MUSK: variants seen among roughly 807,000 people sequenced by gnomAD.
MUSK encodes the protein muscle associated receptor tyrosine kinase, also known as muscle, skeletal receptor tyrosine-protein kinase.
In MUSK, 55 loss-of-function variants were observed where a neutral mutation model predicts 88.7. That is an observed-to-expected ratio of 0.62 (90% CI 0.50 to 0.78). MUSK has a LOEUF of 0.78. Ranked by LOEUF, MUSK falls within the 30% of genes least tolerant of loss-of-function variation. The pLI, the probability that MUSK is intolerant of heterozygous loss-of-function variation, is 0.00. For synonymous variants in MUSK, 387 were observed against 391.9 expected (o/e 0.99, Z 0.15); for missense variants, 1,015 against 1,074.3 (o/e 0.94, Z 0.77).
intron 9 of MUSK, among the ~76,000 whole-genome samples, chr9:110,775,153 T>C (rs1044665155): frequency 3.3e-5 from 5 of 152,172 alleles, no homozygotes; most frequent in Non-Finnish European, 7.3e-5. Context: ...TAGATGAACA[T>C]AACAGCTTCA....
In MUSK at chr9:110,763,081, TA is replaced by T. The variant is rs561644796; in HGVS notation, c.920+881del. Among the ~76,000 whole-genome samples, 26 of 151,914 alleles carry T rather than the reference TA, an allele frequency of 1.7e-4. No individual in the cohort carries two copies. The East Asian group carries it at 3.7e-3, about 21-fold the overall frequency. ...TTTTAAAACATCATGTGGTACACAATAAAAAAAACAGTTTTTTTTAACTAAA... is the reference window on the plus strand; with the variant it reads ...TTTTAAAACATCATGTGGTACACAATAAAAAAACAGTTTTTTTTAACTAAA... On this transcript the variant is annotated intron_variant, in intron 8 of 14. Transcript: ENST00000374448.
intron 5 of MUSK, among the ~76,000 whole-genome samples, chr9:110,709,316 A>G (rs2076639056): frequency 1.3e-5 from 2 of 152,198 alleles, no homozygotes; most frequent in African/African-American, 4.8e-5. Context: ...AGGACTTAAT[A>G]TAGTGGTTAA....
intron 1 of MUSK, among the ~76,000 whole-genome samples, chr9:110,672,231 A>C (rs1456320067): frequency 6.6e-6 from 1 of 152,218 alleles, no homozygotes; most frequent in Non-Finnish European, 1.5e-5. Context: ...AGGTAAATGA[A>C]GTAGGCAGCT....
At chr9:110,785,744 C>T (rs2077846428) in intron 13 of MUSK, 26 bp downstream of exon 13, 2 of 1,543,384 alleles carry the variant, frequency 1.3e-6, no homozygotes, top group Non-Finnish European at 8.8e-7. Flanking sequence ...GAAAAAAAAA[C>T]TCCATTGAAA....
At chr9:110,720,049 A>G (rs1288557253) in intron 5 of MUSK, among the ~76,000 whole-genome samples, 2 of 152,034 alleles carry the variant, frequency 1.3e-5, no homozygotes, top group Non-Finnish European at 2.9e-5. Flanking sequence ...CTGAACGATA[A>G]TAGTAACAAA....
At chr9:110,731,845 C>G (rs776807324) in intron 5 of MUSK, among the ~76,000 whole-genome samples, 14 of 151,786 alleles carry the variant, frequency 9.2e-5, no homozygotes, top group Non-Finnish European at 1.9e-4. Flanking sequence ...TTGTGTTGTG[C>G]AATGTGGATA....
At chr9:110,705,981 C>T in intron 5 of MUSK, 1 of 411,778 alleles carries the variant, frequency 2.4e-6, no homozygotes, top group Non-Finnish European at 5.0e-6. Context: ...ATCTGGGTTA[C>T]ATCTCATCAT....
In MUSK at chr9:110,785,721, A is replaced by G. The variant is rs1159005654; in HGVS notation, c.1778+3A>G. 6.3e-7 allele frequency: 1 copy of G among 1,588,740 alleles called. No individual in the cohort carries two copies. The highest frequency in any genetic ancestry group is 8.6e-7 in the Non-Finnish European group (1 of 1,166,456). On this transcript the variant is annotated splice_donor_region_variant and intron_variant, in intron 13 of 14. Coordinates refer to ENST00000374448, the MANE Select transcript of MUSK (RefSeq NM_005592.4). ...TTTGGAAGGGTGTTTCAAGCAAGGT[A>G]AAGTTACCTATGGAAAAAAAAACTC...
At chr9:110,784,692 C>G in intron 11 of MUSK, 123 bp from the exon 12 acceptor site, 1 of 680,562 alleles carries the variant, frequency 1.5e-6, no homozygotes, top group South Asian at 2.5e-5. Context: ...AAATATATAA[C>G]CAGGGAGAAC....
chr9:110,690,226 A>C (rs1357787821), intron 3 of MUSK, among the ~76,000 whole-genome samples: 1 of 106,878 alleles, frequency 9.4e-6, no homozygotes, highest in African/African-American at 3.7e-5. Context: ...TTAAGTATAA[A>C]TATATATTTA....
intron 1 of MUSK, among the ~76,000 whole-genome samples, chr9:110,678,799 A>AT (rs1168071749): frequency 4.6e-5 from 7 of 152,226 alleles, no homozygotes; most frequent in African/African-American, 1.4e-4. Flanking sequence ...GTTGATGTGC[A>AT]TATCTGTTTA....
chr9:110,760,826 C>T (rs2077387865), intron 7 of MUSK, among the ~76,000 whole-genome samples: 2 of 152,128 alleles, frequency 1.3e-5, no homozygotes, highest in Non-Finnish European at 2.9e-5. Flanking sequence ...TACCAACCCT[C>T]ACCAATCTCA....
At chr9:110,731,486 T>C (rs145951747) in intron 5 of MUSK, among the ~76,000 whole-genome samples, 1 of 152,074 alleles carries the variant, frequency 6.6e-6, no homozygotes, top group African/African-American at 2.4e-5. Flanking sequence ...CTTTCAATAC[T>C]GAAAAAAGGG....
chr9:110,734,106 T>C (rs1229934416), intron 5 of MUSK, 145 bp from the exon 6 acceptor site: 1 of 851,206 alleles, frequency 1.2e-6, no homozygotes, highest in Non-Finnish European at 1.8e-6. Context: ...GGCTCGGCCA[T>C]GGCATGTGGT....
chr9:110,675,422 CCT>C (rs1375136004), intron 1 of MUSK, among the ~76,000 whole-genome samples: 4 of 142,958 alleles, frequency 2.8e-5, no homozygotes, highest in African/African-American at 1.1e-4. Context: ...GGGGTTTCAC[CCT>C]GTTAGCCAGG....
At chr9:110,699,677 A>C (rs1478605398) in intron 5 of MUSK, among the ~76,000 whole-genome samples, 2 of 152,174 alleles carry the variant, frequency 1.3e-5, no homozygotes, top group Admixed American at 1.3e-4. Context: ...TCAAAAGTAC[A>C]TGCAGATGCC....
rs542758176 is a variant in MUSK at position 110,754,409 on chromosome 9, T to A, written c.913+6609T>A. On this transcript the variant is annotated intron_variant, in intron 7 of 14. Coordinates refer to ENST00000374448, the MANE Select transcript of MUSK (RefSeq NM_005592.4). ...TTGGTGGGATATTTTGAGAATTTTTTAAAATTGAATTCTGAGCTTAAAGCA... is the reference window on the plus strand; with the variant it reads ...TTGGTGGGATATTTTGAGAATTTTTAAAAATTGAATTCTGAGCTTAAAGCA... 7.2e-5 allele frequency among the ~76,000 whole-genome samples: 11 copies of A among 152,352 alleles called. No individual in the cohort carries two copies. In the South Asian group the frequency reaches 1.2e-3, roughly 17 times the overall value.
intron 5 of MUSK, among the ~76,000 whole-genome samples, chr9:110,700,177 T>C (rs943491908): frequency 3.9e-5 from 6 of 152,200 alleles, no homozygotes; most frequent in African/African-American, 7.2e-5. Flanking sequence ...GGATGTCCAA[T>C]GGGAAGGCTA....
At chr9:110,693,232 T>C (rs2076381385) in intron 3 of MUSK, among the ~76,000 whole-genome samples, 1 of 152,214 alleles carries the variant, frequency 6.6e-6, no homozygotes, top group African/African-American at 2.4e-5. Flanking sequence ...CCAATTGTTC[T>C]TGATTTGGGT....
Sources: gnomAD v4.1 joint callset for allele counts (sites outside exome capture counted in the v4.1 genomes callset) on GRCh38, gnomAD v4.1.1 for gene constraint, MANE v1.5 for transcripts, NCBI Gene and HGNC (gene_info 2026-07-23, HGNC 2026-07-21) for gene names.